SCART1: variants seen among roughly 807,000 people sequenced by gnomAD.
SCART1 encodes the protein scavenger receptor family member expressed on T cells 1.
SCART1 carries 62 observed loss-of-function variants against 36.2 expected under a neutral mutation model. The ratio of observed to expected loss-of-function variants is 1.71; its 90% confidence interval spans 1.40 to 2.12. The LOEUF is 2.12. Ranked by LOEUF, SCART1 falls within the 30% of genes most tolerant of loss-of-function variation. The pLI is 0.00. For missense variants in SCART1, 1,041 were observed against 540.5 expected, an observed-to-expected ratio of 1.93 and a Z score of -9.18; for synonymous variants, 487 against 238.7, an observed-to-expected ratio of 2.04 and a Z score of -9.59.
chr10:133,464,550 A>G, intron 6 of SCART1, 56 bp from the exon 7 acceptor site: 1 of 610,716 alleles, frequency 1.6e-6, no homozygotes, highest in Non-Finnish European at 2.9e-6. Flanking sequence ...TCCTTCTGAG[A>G]CTGCCCATGG....
intron 3 of SCART1, chr10:133,458,147 CCCTGA>C: frequency 1.4e-6 from 1 of 697,200 alleles, no homozygotes; most frequent in Non-Finnish European, 2.6e-6. Flanking sequence ...GTGACCCTGA[CCCTGA>C]CCTTGGTGAT....
intron 4 of SCART1, 138 bp from the exon 5 acceptor site, chr10:133,458,883 G>C (rs1850656282): frequency 3.2e-6 from 2 of 628,986 alleles, no homozygotes; most frequent in South Asian, 1.9e-5. Context: ...TGCTGATGCA[G>C]AGGAGGGTGG....
At chr10:133,455,948 C>T (rs1474369611) in intron 1 of SCART1, among the ~76,000 whole-genome samples, 1 of 151,988 alleles carries the variant, frequency 6.6e-6, no homozygotes, top group African/African-American at 2.4e-5. Context: ...GGAGGACCCA[C>T]CCAGCTGCAG....
intron 1 of SCART1, among the ~76,000 whole-genome samples, chr10:133,455,881 A>G (rs1850603240): frequency 6.6e-6 from 1 of 151,758 alleles, no homozygotes; most frequent in African/African-American, 2.4e-5. Flanking sequence ...TGGGCTGGAG[A>G]CCACAGGGCC....
intron 2 of SCART1, chr10:133,456,949 C>T (rs1850624018): frequency 2.0e-6 from 1 of 508,178 alleles, no homozygotes; most frequent in African/African-American, 1.9e-5. Context: ...CGAGGGTCCT[C>T]AGCTGTCCCT....
At chr10:133,457,178 C>T (rs1850627379) in intron 2 of SCART1, 101 bp from the exon 3 acceptor site, 2 of 656,578 alleles carry the variant, frequency 3.0e-6, no homozygotes, top group South Asian at 1.7e-5. Context: ...GAAGCTGGCC[C>T]TGGCTCAGCC....
intron 4 of SCART1, 95 bp from the exon 5 acceptor site, chr10:133,458,926 C>T: frequency 1.6e-6 from 1 of 623,414 alleles, no homozygotes; most frequent in South Asian, 1.9e-5. Flanking sequence ...GGGCTCTGTG[C>T]CCATCCCACT....
At chr10:133,456,283 C>T (rs761697117) in exon 2 of SCART1, 43 of 702,774 alleles carry the variant, frequency 6.1e-5, no homozygotes, top group Middle Eastern at 2.3e-4. Flanking sequence ...GCACGTGCGA[C>T]GGAGTGGTGT....
chr10:133,467,101 G>T, intron 10 of SCART1, 97 bp from the exon 11 acceptor site: 1 of 566,900 alleles, frequency 1.8e-6, no homozygotes, highest in Non-Finnish European at 3.2e-6. Context: ...CCTCTTTGCT[G>T]CCTGGCTGGG....
At chr10:133,469,146 T>C (rs1850791956) in exon 12 of SCART1, 1 of 152,232 alleles carries the variant, frequency 6.6e-6, no homozygotes, top group African/African-American at 2.4e-5. Context: ...ATGAACTTTT[T>C]TTCATATGTT....
intron 6 of SCART1, among the ~76,000 whole-genome samples, chr10:133,462,426 G>T (rs1211355977): frequency 1.3e-5 from 2 of 152,190 alleles, no homozygotes; most frequent in Non-Finnish European, 2.9e-5. Flanking sequence ...ATCTTTGAGA[G>T]AATGAGATAT....
At chr10:133,460,490 T>TATATATATA (rs1564834608) in intron 6 of SCART1, among the ~76,000 whole-genome samples, 3 of 102,930 alleles carry the variant, frequency 2.9e-5, no homozygotes, top group East Asian at 2.6e-4. Flanking sequence ...ATATATATAT[T>TATATATATA]TATATATTTT....
chr10:133,454,776 C>G (rs929062936), intron 1 of SCART1, among the ~76,000 whole-genome samples: 2 of 152,022 alleles, frequency 1.3e-5, no homozygotes, highest in African/African-American at 4.8e-5. Context: ...GGAGCCACAT[C>G]CCCAGCGGTG....
rs34222160 is a variant in SCART1 at position 133,463,504 on chromosome 10, CT to C, written c.1970-1085del. ...CATTCTATTGTTTTTACGTATTTGA[CT>C]TTTTTTTTTTTTTTTTGCTCCCATA... On this transcript the variant is annotated intron_variant, in intron 6 of 11. Coordinates refer to ENST00000640237, the Ensembl canonical transcript of SCART1. Among the ~76,000 whole-genome samples the C allele has an allele frequency of 9.2e-3, 1,158 of 125,710 alleles. 8 individuals carry two copies. Among genetic ancestry groups the C allele is most frequent in the Middle Eastern group, 0.044 (10 of 226 alleles). 82.5% of individuals were successfully genotyped at this position (125,710 alleles called of 152,430 possible).
At chr10:133,467,566 C>T (rs1850776470) in intron 11 of SCART1, among the ~76,000 whole-genome samples, 1 of 152,144 alleles carries the variant, frequency 6.6e-6, no homozygotes, top group Non-Finnish European at 1.5e-5. Flanking sequence ...TCGGAGAGGC[C>T]TGCCCTGTGG....
intron 2 of SCART1, 102 bp from the exon 3 acceptor site, chr10:133,457,177 C>T (rs1850627344): frequency 1.5e-6 from 1 of 655,918 alleles, no homozygotes; most frequent in South Asian, 1.7e-5. Context: ...TGAAGCTGGC[C>T]CTGGCTCAGC....
chr10:133,461,669 A>G (rs545302931), intron 6 of SCART1, among the ~76,000 whole-genome samples: 14 of 152,026 alleles, frequency 9.2e-5, no homozygotes, highest in African/African-American at 2.7e-4. Flanking sequence ...CACCTCGTCC[A>G]TCATCTCATT....
At chr10:133,464,805 G>C in exon 7 of SCART1, 1 of 702,692 alleles carries the variant, frequency 1.4e-6, no homozygotes, top group Non-Finnish European at 2.6e-6. Context: ...GCGGGCACCG[G>C]GACCGCCTGG....
At chr10:133,463,964 T>C (rs990874915) in intron 6 of SCART1, among the ~76,000 whole-genome samples, 2 of 152,128 alleles carry the variant, frequency 1.3e-5, no homozygotes, top group Non-Finnish European at 2.9e-5. Flanking sequence ...TCTCCTCTTA[T>C]CCCTCCCTCC....
Sources: allele counts gnomAD v4.1 joint callset (sites outside exome capture counted in the v4.1 genomes callset), GRCh38; gene constraint gnomAD v4.1.1; transcripts MANE v1.5; gene names NCBI Gene and HGNC (gene_info 2026-07-23, HGNC 2026-07-21).